Variants in SLC30A10 observed in about 807,000 individuals in gnomAD.
SLC30A10 encodes calcium/manganese antiporter SLC30A10.
SLC30A10 carries 8 observed loss-of-function variants against 21.7 expected under a neutral mutation model. That is an observed-to-expected ratio of 0.37 (90% CI 0.22 to 0.67). The LOEUF is 0.67. Among genes scored for constraint, SLC30A10 ranks in the 30% least tolerant of loss-of-function variants. SLC30A10 has a pLI of 0.58. For missense variants in SLC30A10, 521 were observed against 642.5 expected, an observed-to-expected ratio of 0.81 and a Z score of 2.04; for synonymous variants, 272 against 279.4, an observed-to-expected ratio of 0.97 and a Z score of 0.26.
intron 2 of SLC30A10, among the ~76,000 whole-genome samples, chr1:219,925,426 T>A (rs770732832): frequency 4.4e-4 from 66 of 150,744 alleles, no homozygotes; most frequent in Non-Finnish European, 7.7e-4. Flanking sequence ...CCCAGCTACT[T>A]GGGAGGCTGA....
In SLC30A10 at chr1:219,950,752, C is replaced by G. The variant is rs530354052; in HGVS notation, n.80+7816G>C. The stretch of plus-strand genomic sequence containing the variant: ...ATCACCTGAGGTCAGGAGTTTGAGA[C>G]CAGCCTAGCCAACATGAAACCCCAT... On this transcript the variant is annotated intron_variant and non_coding_transcript_variant, in intron 1 of 8. Coordinates refer to the SLC30A10 transcript ENST00000484239. 1.5e-4 allele frequency among the ~76,000 whole-genome samples: 23 copies of G among 150,048 alleles called. 1 individual carries two copies. In the South Asian group the frequency reaches 4.2e-3, roughly 27 times the overall value.
chr1:219,935,575 T>C (rs1660034258), intron 1 of SLC30A10, among the ~76,000 whole-genome samples: 1 of 152,252 alleles, frequency 6.6e-6, no homozygotes, highest in Admixed American at 6.5e-5. Flanking sequence ...TGAGCCTCTA[T>C]GTTTTCATTT....
rs765557424 is a variant in SLC30A10, at chr1:219,918,400, G to T, written c.813C>A (p.Asp271Glu). ...CAATGTAACACTGCCAGTTACACGG[G>T]TCCTCACTCTTCAGGGGAAGCACAT... ...IFYVLPLKSEDPCNWQCYIDP... is the reference protein window; with the variant it reads ...IFYVLPLKSEEPCNWQCYIDP... The change falls in exon 3 of 4, where the codon GAC becomes GAA. Residue 271 changes from aspartate to glutamate, a missense_variant. Coordinates refer to ENST00000366926, the MANE Select transcript of SLC30A10 (RefSeq NM_018713.3). The surrounding 1 kb of genome is among the most constrained non-coding windows in gnomAD (Gnocchi z 4.4). 1.9e-6 allele frequency: 3 copies of T among 1,613,916 alleles called. No individual in the cohort carries two copies. The Admixed American group carries it at 5.0e-5, about 27-fold the overall frequency.
chr1:219,922,106 A>C (rs754468090), intron 2 of SLC30A10, among the ~76,000 whole-genome samples: 1 of 145,644 alleles, frequency 6.9e-6, no homozygotes, highest in African/African-American at 2.6e-5. Context: ...GATGTGTGCC[A>C]CTGCACTGGT....
chr1:219,930,982 A>AG (rs1413888286), upstream of SLC30A10, among the ~76,000 whole-genome samples: 4 of 152,344 alleles, frequency 2.6e-5, no homozygotes, highest in East Asian at 7.7e-4. Context: ...TAGACAAAAG[A>AG]GATTTATCAG....
At chr1:219,938,347 C>T (rs1660074234) in intron 1 of SLC30A10, among the ~76,000 whole-genome samples, 1 of 152,218 alleles carries the variant, frequency 6.6e-6, no homozygotes, top group Non-Finnish European at 1.5e-5. Flanking sequence ...TCCAAAGGCC[C>T]ATCACTCTAG....
rs957814876 is a variant in SLC30A10, at chr1:219,914,760, G to A, written c.*689C>T. 6.6e-6 allele frequency: 1 copy of A among 152,106 alleles called. No homozygotes were observed. Among genetic ancestry groups the A allele is most frequent in the Non-Finnish European group, 1.5e-5 (1 of 68,042 alleles). 9.4% of individuals were successfully genotyped at this position (152,106 alleles called of 1,614,324 possible). On this transcript the variant is annotated 3_prime_UTR_variant, in exon 4 of 4. Coordinates refer to ENST00000366926, the MANE Select transcript of SLC30A10 (RefSeq NM_018713.3). ...GGAAAAAAATGTATTATATATTTAA[G>A]CATTTGAAACATTCTATAGCTGCAG... is the stretch of plus-strand genomic sequence containing the variant.
Position 219,927,022 on chromosome 1 carries a change from T to C in SLC30A10, c.718+6A>G. ...GGATTTCAAATAGGCCCAAAGTCAA[T>C]CCTACCTCTGATATTCAGAGCTTCA... On this transcript the variant is annotated splice_donor_region_variant and intron_variant, in intron 2 of 3. Transcript: ENST00000366926. 1 of 1,604,642 alleles carries C rather than the reference T, an allele frequency of 6.2e-7. No individual in the cohort carries two copies. Among genetic ancestry groups the C allele is most frequent in the South Asian group, 1.1e-5 (1 of 90,738 alleles).
upstream of SLC30A10, among the ~76,000 whole-genome samples, chr1:219,932,954 G>A (rs139361405): frequency 0.047 from 7,103 of 151,094 alleles, 275 homozygotes; most frequent in East Asian, 0.19. Flanking sequence ...CCAGCTACTC[G>A]GGAGGCTGAG....
At chr1:219,951,304 G>A (rs1178072004) in intron 1 of SLC30A10, among the ~76,000 whole-genome samples, 1 of 151,768 alleles carries the variant, frequency 6.6e-6, no homozygotes, top group Admixed American at 6.6e-5. Context: ...CCTAAGATGA[G>A]GCTCAAAGTG....
intron 1 of SLC30A10, among the ~76,000 whole-genome samples, chr1:219,937,809 C>G (rs1185474073): frequency 5.3e-5 from 8 of 152,196 alleles, no homozygotes; most frequent in African/African-American, 1.4e-4. Flanking sequence ...AAGACTTAGT[C>G]TCAAAAAACT....
intron 2 of SLC30A10, among the ~76,000 whole-genome samples, chr1:219,924,167 C>T (rs145508261): frequency 6.6e-6 from 1 of 152,314 alleles, no homozygotes; most frequent in East Asian, 1.9e-4. Context: ...CAGAGATCCC[C>T]GTAAGCTGTT....
chr1:219,952,709 A>T (rs1310337128), intron 1 of SLC30A10, among the ~76,000 whole-genome samples: 1 of 152,204 alleles, frequency 6.6e-6, no homozygotes, highest in Non-Finnish European at 1.5e-5. Flanking sequence ...ACTCTGACAA[A>T]GACTGACAAT....
chr1:219,918,517 C>A lies in SLC30A10; in HGVS notation c.719-23G>T. 1 of 1,557,086 alleles carries A rather than the reference C, an allele frequency of 6.4e-7. No homozygotes were observed. The highest frequency in any genetic ancestry group is 8.7e-7 in the Non-Finnish European group (1 of 1,150,344). The stretch of plus-strand genomic sequence containing the variant: ...CACCTGCCAGGAAGAAAGACTACTG[C>A]AGCACAGATGCAAATCTGGAAGCCA... On this transcript the variant is annotated intron_variant, in intron 2 of 3. Transcript: ENST00000366926. This position sits in a 1 kb window ranked among gnomAD's most constrained non-coding sequence, Gnocchi z 4.4.
intron 1 of SLC30A10, among the ~76,000 whole-genome samples, chr1:219,939,643 T>A (rs879571243): frequency 6.6e-6 from 1 of 152,210 alleles, no homozygotes; most frequent in Non-Finnish European, 1.5e-5. Context: ...TTGGCCAGGC[T>A]GGTCTTGAAC....
At position 219,912,183 on chromosome 1, in the gene SLC30A10, A is replaced by G. The variant is rs1035371665; in HGVS notation, c.*3266T>C. ...CTCTACCAATGGCAAAAAAAAAAAA[A>G]AAAAAAAAAAAAAGAACTAAATATG... is the stretch of plus-strand genomic sequence containing the variant. On this transcript the variant is annotated 3_prime_UTR_variant, in exon 4 of 4. Transcript: ENST00000366926. 4.4e-4 allele frequency among the ~76,000 whole-genome samples: 49 copies of G among 111,558 alleles called. No homozygotes were observed. The highest frequency in any genetic ancestry group is 1.4e-3 in the African/African-American group (43 of 30,580). The allele number at this position is 111,558 out of a possible 152,430, so 73.2% of individuals were successfully genotyped here.
At chr1:219,925,651 A>ATATATATATATATATATATATATAT (rs1317554458) in intron 2 of SLC30A10, among the ~76,000 whole-genome samples, 1 of 48,284 alleles carries the variant, frequency 2.1e-5, no homozygotes, top group African/African-American at 1.2e-4. Context: ...ATATATATAT[A>ATATATATATATATATATATATATAT]TTTTTTTTTT....
intron 2 of SLC30A10, among the ~76,000 whole-genome samples, chr1:219,921,921 C>CAGAGAGAGAGAGAGAGAG (rs57806725): frequency 3.6e-5 from 5 of 137,838 alleles, no homozygotes; most frequent in African/African-American, 1.4e-4. Context: ...GAGAGAGAGA[C>CAGAGAGAGAGAGAGAGAG]AGAGAGAGAG....
chr1:219,915,604 G>A lies in SLC30A10; in HGVS notation c.1303C>T (p.Pro435Ser), dbSNP rs200248346. ...VNGCAEHNGG[P>S]SLDTYGSDGL... ...TCACTTCCGTATGTGTCTAGAGAGG[G>A]CCCACCATTGTGCTCAGCACAGCCA... is the stretch of plus-strand genomic sequence containing the variant. The change falls in exon 4 of 4, where the codon CCC becomes TCC. Residue 435 changes from proline (P) to serine (S), a missense_variant. Physicochemically the swap from Pro to Ser is moderately conservative, Grantham distance 74. Transcript: ENST00000366926. 2 of 1,614,218 alleles carry A rather than the reference G, an allele frequency of 1.2e-6. No individual in the cohort carries two copies. The highest frequency in any genetic ancestry group is 1.6e-4 in the Middle Eastern group (1 of 6,062).
Sources: allele counts gnomAD v4.1 joint callset (sites outside exome capture counted in the v4.1 genomes callset), GRCh38; gene constraint gnomAD v4.1.1; non-coding constraint Gnocchi (gnomAD v3.1); transcripts MANE v1.5; gene names NCBI Gene and HGNC (gene_info 2026-07-23, HGNC 2026-07-21).